Variants in CDH4 observed in about 807,000 individuals in gnomAD.
CDH4 encodes cadherin 4.
CDH4 carries 33 observed loss-of-function variants against 86.0 expected under a neutral mutation model. That is an observed-to-expected ratio of 0.38 (90% CI 0.29 to 0.51). The LOEUF (loss-of-function observed/expected upper bound fraction) is 0.51. CDH4 is among the 20% of genes least tolerant of loss of function. The probability of loss-of-function intolerance (pLI) is 0.86; values close to 1 mark genes in which losing one functional copy is unlikely to be tolerated. For missense variants in CDH4, 1,114 were observed against 1,307.4 expected (o/e 0.85, Z 2.28); for synonymous variants, 555 against 549.4 (o/e 1.01, Z -0.14).
chr20:61,798,471 G>A (rs1021359546), intron 4 of CDH4, among the ~76,000 whole-genome samples: 8 of 152,214 alleles, frequency 5.3e-5, no homozygotes, highest in Admixed American at 2.0e-4. Flanking sequence ...GCGTGGCCCC[G>A]GGGTGCATCG....
At chr20:61,742,170 A>C (rs1224132427) in intron 2 of CDH4, among the ~76,000 whole-genome samples, 2 of 145,100 alleles carry the variant, frequency 1.4e-5, no homozygotes, top group African/African-American at 5.1e-5. Flanking sequence ...GAAGGGGAAC[A>C]GATCCGGGGA....
intron 4 of CDH4, among the ~76,000 whole-genome samples, chr20:61,801,758 C>T (rs1177346707): frequency 6.6e-6 from 1 of 152,254 alleles, no homozygotes; most frequent in Non-Finnish European, 1.5e-5. Context: ...CAGCCTCTCT[C>T]TGCTTTCTTT....
chr20:61,359,502 G>A (rs73144643), intron 2 of CDH4, among the ~76,000 whole-genome samples: 3,787 of 152,288 alleles, frequency 0.025, 60 homozygotes, highest in Middle Eastern at 0.037. Context: ...CCACCTCCAC[G>A]CGGCAGGTTT....
At chr20:61,679,429 T>C (rs2087483378) in intron 2 of CDH4, among the ~76,000 whole-genome samples, 1 of 152,130 alleles carries the variant, frequency 6.6e-6, no homozygotes, top group Non-Finnish European at 1.5e-5. Flanking sequence ...TTCCTGGGGA[T>C]CTCGCTGCTG....
At chr20:61,399,643 C>T (rs1202043893) in intron 2 of CDH4, among the ~76,000 whole-genome samples, 1 of 152,206 alleles carries the variant, frequency 6.6e-6, no homozygotes. Context: ...TGCCGGGCCT[C>T]GCTGCAGGAC....
chr20:61,304,532 G>T (rs549025249), intron 2 of CDH4, among the ~76,000 whole-genome samples: 2 of 151,942 alleles, frequency 1.3e-5, no homozygotes, highest in Non-Finnish European at 2.9e-5. Context: ...TGTTGTATAT[G>T]GTGCATATGC....
At chr20:61,490,312 C>T (rs541981661) in intron 2 of CDH4, among the ~76,000 whole-genome samples, 1 of 152,260 alleles carries the variant, frequency 6.6e-6, no homozygotes, top group South Asian at 2.1e-4. Context: ...CATGGCTGAG[C>T]CTTGAAAACA....
intron 2 of CDH4, among the ~76,000 whole-genome samples, chr20:61,481,908 C>G (rs1231105804): frequency 6.6e-6 from 1 of 152,180 alleles, no homozygotes; most frequent in African/African-American, 2.4e-5. Context: ...TTTTCAGTTC[C>G]ATACATATCG....
Position 61,934,064 on chromosome 20 carries a change from C to T in CDH4, c.2388C>T (p.Asp796=), listed in dbSNP as rs1339854054. The T allele has an allele frequency of 1.2e-6, 2 of 1,610,978 alleles. No individual in the cohort carries two copies. Among genetic ancestry groups the T allele is most frequent in the African/African-American group, 1.3e-5 (1 of 74,992 alleles). The change falls in exon 15 of 16, where the codon GAC becomes GAT. Residue 796 remains aspartate (D), a synonymous_variant. Coordinates refer to ENST00000614565, the MANE Select transcript of CDH4 (RefSeq NM_001794.5). ...CCGGCTCCCTCCCCCAGGACTACGA[C>T]CTCAGCCAGCTGCAGCAGCCGGAAG... The part of the protein sequence containing the change: ...EGGGEEDQDY[D]LSQLQQPEAM...
chr20:61,499,348 A>G (rs933183971), intron 2 of CDH4: 1 of 828,056 alleles, frequency 1.2e-6, no homozygotes, highest in Non-Finnish European at 1.7e-6. Context: ...TTCGCCACCT[A>G]GAAGGATAGC....
chr20:61,622,993 G>C (rs1323281317), intron 2 of CDH4, among the ~76,000 whole-genome samples: 1 of 152,198 alleles, frequency 6.6e-6, no homozygotes, highest in African/African-American at 2.4e-5. Flanking sequence ...GGGACAGTGG[G>C]ATAGGCCTGT....
chr20:61,253,416 C>A (rs1324213018), intron 1 of CDH4, among the ~76,000 whole-genome samples: 6 of 151,998 alleles, frequency 3.9e-5, no homozygotes, highest in Admixed American at 1.3e-4. Flanking sequence ...CGCCCCTGGG[C>A]GGAGGCGGAG....
At position 61,582,859 on chromosome 20, in the gene CDH4, C is replaced by A. The variant is rs1485909047; in HGVS notation, c.170-160704C>A. Among the ~76,000 whole-genome samples the A allele has an allele frequency of 6.6e-6, 1 of 152,188 alleles. No homozygotes were observed. Among genetic ancestry groups the A allele is most frequent in the African/African-American group, 2.4e-5 (1 of 41,456 alleles). On this transcript the variant is annotated intron_variant, in intron 2 of 15. Coordinates refer to ENST00000614565, the MANE Select transcript of CDH4 (RefSeq NM_001794.5). This position sits in a 1 kb window ranked among gnomAD's most constrained non-coding sequence, Gnocchi z 4.2. ...ATGTCTACATTCAGAGTTGTGCAGC[C>A]ACCACCCCAGTCCATTTTAGAATGT... is the stretch of plus-strand genomic sequence containing the variant.
At chr20:61,698,395 T>C (rs2087738025) in intron 2 of CDH4, among the ~76,000 whole-genome samples, 1 of 152,248 alleles carries the variant, frequency 6.6e-6, no homozygotes, top group African/African-American at 2.4e-5. Context: ...TGCCAGGCAC[T>C]TGGAAAGTGG....
At chr20:61,699,179 C>G (rs2087746620) in intron 2 of CDH4, among the ~76,000 whole-genome samples, 1 of 152,248 alleles carries the variant, frequency 6.6e-6, no homozygotes, top group African/African-American at 2.4e-5. Flanking sequence ...CTCTGACCTT[C>G]TCCGTATCCC....
In CDH4 at chr20:61,269,715, C is replaced by T. The variant is rs1277338776; in HGVS notation, c.169+14778C>T. ...GCTGCCCTCCTGCTCTCCTCCTCCTCTTCTGGTCCCTGTGAAGTGACCTGC... is the reference window on the plus strand; with the variant it reads ...GCTGCCCTCCTGCTCTCCTCCTCCTTTTCTGGTCCCTGTGAAGTGACCTGC... On this transcript the variant is annotated intron_variant, in intron 2 of 15. Coordinates refer to ENST00000614565, the MANE Select transcript of CDH4 (RefSeq NM_001794.5). This position sits in a 1 kb window ranked among gnomAD's most constrained non-coding sequence, Gnocchi z 5.3. Among the ~76,000 whole-genome samples the T allele has an allele frequency of 6.6e-6, 1 of 152,348 alleles. No individual in the cohort carries two copies. The highest frequency in any genetic ancestry group is 1.9e-4 in the East Asian group (1 of 5,186).
At chr20:61,776,449 C>T (rs1015941889) in intron 4 of CDH4, among the ~76,000 whole-genome samples, 4 of 152,214 alleles carry the variant, frequency 2.6e-5, no homozygotes, top group South Asian at 2.1e-4. Context: ...CCAGCATCTC[C>T]GACCCAGGAA....
intron 2 of CDH4, among the ~76,000 whole-genome samples, chr20:61,433,427 G>A (rs1009371034): frequency 2.0e-5 from 3 of 151,882 alleles, no homozygotes; most frequent in Non-Finnish European, 2.9e-5. Context: ...TCAGCCATTC[G>A]ACTTTACTCC....
chr20:61,547,235 C>T (rs1390208756), intron 2 of CDH4, among the ~76,000 whole-genome samples: 2 of 119,340 alleles, frequency 1.7e-5, no homozygotes, highest in Admixed American at 1.0e-4. Context: ...CCCCCTGAGA[C>T]GGAGTCTCAC....
Sources: allele counts gnomAD v4.1 joint callset (sites outside exome capture counted in the v4.1 genomes callset), GRCh38; gene constraint gnomAD v4.1.1; non-coding constraint Gnocchi (gnomAD v3.1); transcripts MANE v1.5; gene names NCBI Gene and HGNC (gene_info 2026-07-23, HGNC 2026-07-21).